CACNA1C: variants seen among roughly 807,000 people sequenced by gnomAD.
CACNA1C encodes the protein calcium voltage-gated channel subunit alpha1 C, also known as voltage-dependent L-type calcium channel subunit alpha-1C.
Under a neutral mutation model 229.0 loss-of-function variants are expected in CACNA1C, and 30 were observed. The ratio of observed to expected loss-of-function variants is 0.13; its 90% CI spans 0.10 to 0.18. The LOEUF is 0.18. CACNA1C is among the 10% of genes least tolerant of loss of function. The pLI is 1.00. For missense variants in CACNA1C, 1,658 were observed against 2,845.0 expected (o/e 0.58, Z 9.49); for synonymous variants, 1,114 against 1,132.5 (o/e 0.98, Z 0.33).
In CACNA1C at chr12:2,655,218, G is replaced by T; in HGVS notation, c.4212G>T (p.Gln1404His). Residue 1404 changes from glutamine (Q) to histidine (H), a missense_variant, in exon 34 of 47, where the codon CAG (glutamine) becomes CAT (histidine). Coordinates refer to ENST00000399655, the MANE Select transcript of CACNA1C (RefSeq NM_000719.7). ...ACAACAACTTTCAGACCTTCCCCCA[G>T]GCCGTGCTGCTCCTCTTCAGGTGGG... The part of the protein sequence containing the change: ...NRNNNFQTFP[Q>H]AVLLLFRCAT... 6.2e-7 allele frequency: 1 copy of T among 1,612,906 alleles called. No individual in the cohort carries two copies. Among genetic ancestry groups the T allele is most frequent in the Non-Finnish European group, 8.5e-7 (1 of 1,179,076 alleles).
chr12:2,116,709 C>G (rs2154139589), intron 2 of CACNA1C, among the ~76,000 whole-genome samples: 1 of 152,234 alleles, frequency 6.6e-6, no homozygotes, highest in East Asian at 1.9e-4. Flanking sequence ...TCCCCCACTT[C>G]CACGAGTGAT....
chr12:2,571,082 C>T lies in CACNA1C; in HGVS notation c.1895+3288C>T, dbSNP rs115110481. ...ACGAATGTTAGCTTGAGTGATCCTC[C>T]CAAGTACCTACATGAGGATGAGGAT... On this transcript the variant is annotated intron_variant, in intron 13 of 46. Coordinates refer to ENST00000399655, the MANE Select transcript of CACNA1C (RefSeq NM_000719.7). Among the ~76,000 whole-genome samples, 268 of 152,288 alleles carry T rather than the reference C, an allele frequency of 1.8e-3. 2 individuals carry two copies. Among genetic ancestry groups the T allele is most frequent in the African/African-American group, 6.3e-3 (262 of 41,548 alleles).
At chr12:2,614,294 C>T (rs1476163276) in intron 29 of CACNA1C, 2 of 152,228 alleles carry the variant, frequency 1.3e-5, no homozygotes, top group Non-Finnish European at 2.9e-5. Context: ...GGCCCATTTG[C>T]ATTTCACATT....
chr12:2,649,293 T>C lies in CACNA1C; in HGVS notation c.3945+786T>C, dbSNP rs770695522. Among the ~76,000 whole-genome samples the C allele has an allele frequency of 6.6e-6, 1 of 152,230 alleles. No individual in the cohort carries two copies. The highest frequency in any genetic ancestry group is 1.5e-5 in the Non-Finnish European group (1 of 68,040). ...AGCCGCCTCCAAAAGGCTGCCGTTA[T>C]GCATTTCTAACCGGGCCAAGTATGA... On this transcript the variant is annotated intron_variant, in intron 31 of 46. Transcript: ENST00000399655. The surrounding 1 kb of genome is among the most constrained non-coding windows in gnomAD (Gnocchi z 4.4).
intron 3 of CACNA1C, among the ~76,000 whole-genome samples, chr12:2,289,873 C>T (rs77734281): frequency 0.053 from 8,042 of 152,218 alleles, 264 homozygotes; most frequent in African/African-American, 0.078. Flanking sequence ...AGGAAATTCG[C>T]GTCAAGTCAC....
intron 13 of CACNA1C, among the ~76,000 whole-genome samples, chr12:2,578,364 C>G (rs2059331547): frequency 6.6e-6 from 1 of 152,150 alleles, no homozygotes; most frequent in African/African-American, 2.4e-5. Context: ...GGGAGTGCAG[C>G]TGGCTGGTCC....
At chr12:2,214,641 C>A (rs746147931) in intron 3 of CACNA1C, among the ~76,000 whole-genome samples, 32 of 89,780 alleles carry the variant, frequency 3.6e-4, no homozygotes, top group Non-Finnish European at 6.5e-4. Context: ...GGGGATGGCC[C>A]TGTATGCCCT....
chr12:2,486,065 C>T lies in CACNA1C; in HGVS notation c.758-39C>T, dbSNP rs769875930. 2.5e-5 allele frequency: 38 copies of T among 1,542,918 alleles called. No individual in the cohort carries two copies. The highest frequency in any genetic ancestry group is 1.7e-4 in the Middle Eastern group (1 of 5,764). On this transcript the variant is annotated intron_variant, in intron 5 of 46. Transcript: ENST00000399655. The surrounding 1 kb of genome is among the most constrained non-coding windows in gnomAD (Gnocchi z 4.9). ...ATGAGATGGCGTCAGCACGGTACCG[C>T]GGTGATGCTTGGTTCAGTGAGTGGC... is the stretch of plus-strand genomic sequence containing the variant.
At chr12:2,085,005 C>T (rs2154063722) in intron 1 of CACNA1C, among the ~76,000 whole-genome samples, 1 of 152,338 alleles carries the variant, frequency 6.6e-6, no homozygotes. Flanking sequence ...GTCAGCAGCA[C>T]ATTTGGCAAA....
chr12:2,283,366 C>T (rs1000195365), intron 3 of CACNA1C, among the ~76,000 whole-genome samples: 1 of 152,180 alleles, frequency 6.6e-6, no homozygotes, highest in Non-Finnish European at 1.5e-5. Flanking sequence ...TCACAGAATT[C>T]TACTGAAAAT....
chr12:2,484,455 C>T (rs961212608), intron 5 of CACNA1C, among the ~76,000 whole-genome samples: 1 of 152,164 alleles, frequency 6.6e-6, no homozygotes, highest in African/African-American at 2.4e-5. Flanking sequence ...CAGGAAGGAT[C>T]TTGTCTTCAT....
rs1222931062 is a variant in CACNA1C, at chr12:2,308,014, T to G, written c.478-140962T>G. Among the ~76,000 whole-genome samples the G allele has an allele frequency of 3.3e-5, 5 of 152,188 alleles. 1 individual carries two copies. The highest frequency in any genetic ancestry group is 3.3e-4 in the Admixed American group (5 of 15,282). ...TTAACCAGCACACCCTCTTCCCACC[T>G]CCACCCATGTGGTTTTGATGCAGTT... On this transcript the variant is annotated intron_variant, in intron 3 of 46. Coordinates refer to ENST00000399655, the MANE Select transcript of CACNA1C (RefSeq NM_000719.7).
At position 2,467,137 on chromosome 12, in the gene CACNA1C, A is replaced by G. The variant is rs1044368657; in HGVS notation, c.757+9431A>G. Among the ~76,000 whole-genome samples, 1 of 152,072 alleles carries G rather than the reference A, an allele frequency of 6.6e-6. No individual in the cohort carries two copies. The highest frequency in any genetic ancestry group is 1.5e-5 in the Non-Finnish European group (1 of 67,988). ...GGCTGCCTGGTCCCCCTGCCCGCCC[A>G]TCGGAGATGGTCCCTACAACATCTT... On this transcript the variant is annotated intron_variant, in intron 5 of 46. Coordinates refer to ENST00000399655, the MANE Select transcript of CACNA1C (RefSeq NM_000719.7). The surrounding 1 kb of genome is among the most constrained non-coding windows in gnomAD (Gnocchi z 4.6).
At chr12:2,102,092 A>G (rs2076643132) in intron 1 of CACNA1C, among the ~76,000 whole-genome samples, 1 of 152,186 alleles carries the variant, frequency 6.6e-6, no homozygotes, top group South Asian at 2.1e-4. Flanking sequence ...GCTTCCTGGG[A>G]CTTCCCTCCT....
At chr12:2,065,456 A>C (rs1191462418) in intron 1 of CACNA1C, among the ~76,000 whole-genome samples, 1 of 152,214 alleles carries the variant, frequency 6.6e-6, no homozygotes, top group African/African-American at 2.4e-5. Flanking sequence ...ACAAAAAGTT[A>C]TTGAGCGTCT....
chr12:2,293,744 G>A (rs2093735821), intron 3 of CACNA1C, among the ~76,000 whole-genome samples: 1 of 152,120 alleles, frequency 6.6e-6, no homozygotes, highest in Non-Finnish European at 1.5e-5. Context: ...TTTTTCATAT[G>A]TATGTACTTC....
In CACNA1C at chr12:2,122,538, C is replaced by T. The variant is rs547043517; in HGVS notation, c.477+2108C>T. Among the ~76,000 whole-genome samples the T allele has an allele frequency of 3.9e-5, 6 of 152,040 alleles. No homozygotes were observed. The South Asian group carries it at 6.2e-4, about 16-fold the overall frequency. ...TCGCGAGTGCTGTGACCCGGCCTCCCGGTCCTTGCTCTCTACAGCATCTTG... is the reference window on the plus strand; with the variant it reads ...TCGCGAGTGCTGTGACCCGGCCTCCTGGTCCTTGCTCTCTACAGCATCTTG... On this transcript the variant is annotated intron_variant, in intron 3 of 46. Transcript: ENST00000399655.
Position 2,595,190 on chromosome 12 carries a change from C to A in CACNA1C, c.2664-684C>A, listed in dbSNP as rs1365307265. 6.6e-6 allele frequency among the ~76,000 whole-genome samples: 1 copy of A among 152,136 alleles called. No homozygotes were observed. The highest frequency in any genetic ancestry group is 1.5e-5 in the Non-Finnish European group (1 of 68,018). ...AGAAGTCTGAAGGCCTGGGTTGAAG[C>A]CCTGACTCTCCCACACTAAGGCTGT... On this transcript the variant is annotated intron_variant, in intron 19 of 46. Transcript: ENST00000399655. This position sits in a 1 kb window ranked among gnomAD's most constrained non-coding sequence, Gnocchi z 4.1.
In CACNA1C at chr12:2,488,888, A is replaced by T. The variant is rs544876357; in HGVS notation, c.916+2626A>T. Among the ~76,000 whole-genome samples, 7 of 151,922 alleles carry T rather than the reference A, an allele frequency of 4.6e-5. No homozygotes were observed. The highest frequency in any genetic ancestry group is 8.8e-5 in the Non-Finnish European group (6 of 67,948). ...GCCGTCTGATCACAAGCCAGGACCC[A>T]CTCTGTCACTCTTAGCACAACACGA... On this transcript the variant is annotated intron_variant, in intron 6 of 46. Coordinates refer to ENST00000399655, the MANE Select transcript of CACNA1C (RefSeq NM_000719.7). The surrounding 1 kb of genome is among the most constrained non-coding windows in gnomAD (Gnocchi z 4.0).
Sources: allele counts gnomAD v4.1 joint callset (sites outside exome capture counted in the v4.1 genomes callset), GRCh38; gene constraint gnomAD v4.1.1; non-coding constraint Gnocchi (gnomAD v3.1); transcripts MANE v1.5; gene names NCBI Gene and HGNC (gene_info 2026-07-23, HGNC 2026-07-21).